RBFOX1: variants seen among roughly 807,000 people sequenced by gnomAD.
RBFOX1 encodes RNA binding protein fox-1 homolog 1.
RBFOX1 carries 8 observed loss-of-function variants against 57.7 expected under a neutral mutation model. That is an observed-to-expected ratio of 0.14 (90% CI 0.08 to 0.25). RBFOX1 has a LOEUF of 0.25. Among genes scored for constraint, RBFOX1 ranks in the 10% least tolerant of loss-of-function variants. RBFOX1 has a pLI of 1.00. For synonymous variants in RBFOX1, 326 were observed against 222.4 expected, an observed-to-expected ratio of 1.47 and a Z score of -4.15; for missense variants, 611 against 548.5, an observed-to-expected ratio of 1.11 and a Z score of -1.14.
At chr16:6,171,231 T>C (rs934415365) in intron 1 of RBFOX1, among the ~76,000 whole-genome samples, 4 of 152,226 alleles carry the variant, frequency 2.6e-5, no homozygotes, top group Non-Finnish European at 4.4e-5. Context: ...TGTGGGATGA[T>C]TCTACATATT....
chr16:6,205,863 C>CTTT (rs34261182), intron 1 of RBFOX1, among the ~76,000 whole-genome samples: 5,872 of 97,802 alleles, frequency 0.06, 764 homozygotes, highest in African/African-American at 0.12. Flanking sequence ...CGAGATCATA[C>CTTT]TTTTTTTTTT....
intron 4 of RBFOX1, among the ~76,000 whole-genome samples, chr16:5,992,908 G>C (rs555884698): frequency 6.6e-5 from 10 of 152,288 alleles, no homozygotes; most frequent in Admixed American, 6.5e-4. Context: ...TTGCACTCCA[G>C]CCTGGGTGTC....
intron 2 of RBFOX1, among the ~76,000 whole-genome samples, chr16:6,326,271 A>G (rs1196513263): frequency 6.6e-6 from 1 of 152,186 alleles, no homozygotes; most frequent in Non-Finnish European, 1.5e-5. Context: ...GATTCTCGCT[A>G]GGTACTGAGG....
At chr16:7,540,663 C>T (rs1385231637) in intron 5 of RBFOX1, among the ~76,000 whole-genome samples, 1 of 152,158 alleles carries the variant, frequency 6.6e-6, no homozygotes, top group Non-Finnish European at 1.5e-5. Context: ...GTCATGACCT[C>T]TTCAGGCTTA....
At chr16:7,416,609 C>T (rs1490782976) in intron 4 of RBFOX1, among the ~76,000 whole-genome samples, 1 of 152,066 alleles carries the variant, frequency 6.6e-6, no homozygotes, top group Non-Finnish European at 1.5e-5. Flanking sequence ...ATGGATAGTG[C>T]ATATAGAAAA....
intron 4 of RBFOX1, among the ~76,000 whole-genome samples, chr16:7,300,120 C>G (rs1177309247): frequency 6.6e-6 from 1 of 152,154 alleles, no homozygotes; most frequent in Non-Finnish European, 1.5e-5. Context: ...TTCCCTAATT[C>G]CCTGATCTTG....
At chr16:6,955,383 C>G (rs564813637) in intron 3 of RBFOX1, among the ~76,000 whole-genome samples, 6 of 151,872 alleles carry the variant, frequency 4.0e-5, no homozygotes, top group African/African-American at 1.5e-4. Flanking sequence ...CGTGCACATA[C>G]ACACACTCAA....
At chr16:5,898,560 T>C (rs991199853) in intron 4 of RBFOX1, among the ~76,000 whole-genome samples, 1 of 150,764 alleles carries the variant, frequency 6.6e-6, no homozygotes, top group Non-Finnish European at 1.5e-5. Context: ...TGTAAAATCA[T>C]ATTTAATCCT....
At chr16:6,386,771 T>A (rs372858524) in intron 2 of RBFOX1, among the ~76,000 whole-genome samples, 1 of 152,020 alleles carries the variant, frequency 6.6e-6, no homozygotes, top group South Asian at 2.1e-4. Context: ...TCCACAAAGA[T>A]TCTCTGGGGA....
chr16:7,319,423 G>T (rs528401304), intron 4 of RBFOX1, among the ~76,000 whole-genome samples: 1 of 152,294 alleles, frequency 6.6e-6, no homozygotes, highest in Middle Eastern at 3.4e-3. Flanking sequence ...ATTCTTGTCT[G>T]CCAAACATTA....
intron 1 of RBFOX1, among the ~76,000 whole-genome samples, chr16:6,194,124 C>G (rs540367406): frequency 6.6e-6 from 1 of 152,140 alleles, no homozygotes; most frequent in African/African-American, 2.4e-5. Flanking sequence ...TCATACCGTT[C>G]CTTCCCTCAT....
intron 2 of RBFOX1, among the ~76,000 whole-genome samples, chr16:6,650,778 C>T (rs1360778314): frequency 2.0e-5 from 3 of 152,156 alleles, no homozygotes; most frequent in Non-Finnish European, 4.4e-5. Context: ...TCACCAGCTT[C>T]TCATATTAAC....
chr16:5,829,875 A>G (rs1466344694), intron 3 of RBFOX1, among the ~76,000 whole-genome samples: 1 of 152,122 alleles, frequency 6.6e-6, no homozygotes, highest in African/African-American at 2.4e-5. Flanking sequence ...AACAGGGGGG[A>G]AGAAAAGGCC....
intron 4 of RBFOX1, among the ~76,000 whole-genome samples, chr16:5,934,161 T>C (rs985684785): frequency 6.6e-6 from 1 of 152,236 alleles, no homozygotes; most frequent in Admixed American, 6.5e-5. Flanking sequence ...GAGCTCAGTA[T>C]AAGGAACATG....
At chr16:7,705,142 G>C (rs1351223970) in intron 14 of RBFOX1, among the ~76,000 whole-genome samples, 1 of 151,968 alleles carries the variant, frequency 6.6e-6, no homozygotes, top group Non-Finnish European at 1.5e-5. Context: ...AAAGATGAAA[G>C]TCAGGTGGAG....
At chr16:5,263,063 G>A (rs764864530) in intron 1 of RBFOX1, among the ~76,000 whole-genome samples, 2 of 151,914 alleles carry the variant, frequency 1.3e-5, no homozygotes, top group African/African-American at 4.8e-5. Context: ...GCTAACAATG[G>A]CAGGGTGACG....
chr16:6,764,625 G>C (rs971464768), intron 3 of RBFOX1, among the ~76,000 whole-genome samples: 2 of 152,130 alleles, frequency 1.3e-5, no homozygotes, highest in African/African-American at 4.8e-5. Context: ...AAAACAATTA[G>C]AGATGATAAT....
chr16:7,687,434 G>C (rs1207558972), intron 14 of RBFOX1, among the ~76,000 whole-genome samples: 1 of 152,024 alleles, frequency 6.6e-6, no homozygotes, highest in African/African-American at 2.4e-5. Context: ...AGACCCCTTA[G>C]ACTTAGCTCA....
At chr16:6,133,750 T>A (rs1327662222) in intron 1 of RBFOX1, among the ~76,000 whole-genome samples, 2 of 152,108 alleles carry the variant, frequency 1.3e-5, no homozygotes, top group Non-Finnish European at 2.9e-5. Flanking sequence ...TTCCTTACAG[T>A]TGCTGAAACA....
Sources: allele counts gnomAD v4.1 joint callset (sites outside exome capture counted in the v4.1 genomes callset), GRCh38; gene constraint gnomAD v4.1.1; transcripts MANE v1.5; gene names NCBI Gene and HGNC (gene_info 2026-07-23, HGNC 2026-07-21).